The following PHKA1 variants were observed in gnomAD, a reference collection of about 807,000 sequenced individuals.
The protein encoded by PHKA1 is phosphorylase b kinase regulatory subunit alpha, skeletal muscle isoform.
In PHKA1, 60 loss-of-function variants were observed where a neutral mutation model predicts 110.2. The ratio of observed to expected loss-of-function variants is 0.54; its 90% CI spans 0.44 to 0.68. The LOEUF is 0.68. Among genes scored for constraint, PHKA1 ranks in the 30% least tolerant of loss-of-function variants. The pLI, the probability that PHKA1 is intolerant of heterozygous loss-of-function variation, is 0.00. For synonymous variants in PHKA1, 316 were observed against 333.6 expected (o/e 0.95, Z 0.58); for missense variants, 801 against 942.5 (o/e 0.85, Z 1.97).
chrX:72,707,680 C>T (rs781842207), intron 2 of PHKA1, among the ~76,000 whole-genome samples: 3 of 107,434 alleles, frequency 2.8e-5, no homozygotes, highest in Non-Finnish European at 3.8e-5. Flanking sequence ...GGGGTGGGTA[C>T]GCAAATATGA....
intron 2 of PHKA1, among the ~76,000 whole-genome samples, chrX:72,706,167 C>T (rs1440499769): frequency 2.7e-5 from 3 of 111,737 alleles, no homozygotes; most frequent in African/African-American, 9.7e-5. Context: ...CTATTAAGTT[C>T]CAACTCTTTA....
intron 11 of PHKA1, among the ~76,000 whole-genome samples, chrX:72,653,027 C>T (rs1556299671): frequency 9.0e-6 from 1 of 111,698 alleles, no homozygotes; most frequent in African/African-American, 3.3e-5. Context: ...AACAATGTTA[C>T]ACCCGACTGG....
At chrX:72,658,134 A>G (rs1556302250) in intron 8 of PHKA1, among the ~76,000 whole-genome samples, 3 of 112,207 alleles carry the variant, frequency 2.7e-5, no homozygotes, top group African/African-American at 9.7e-5. Context: ...GTCACATCTT[A>G]TATAACCATA....
At chrX:72,606,066 C>A (rs1433519673) in intron 23 of PHKA1, among the ~76,000 whole-genome samples, 1 of 111,764 alleles carries the variant, frequency 8.9e-6, no homozygotes, top group Non-Finnish European at 1.9e-5. Context: ...ATGATCAAGT[C>A]AGGGTATTTA....
intron 17 of PHKA1, among the ~76,000 whole-genome samples, chrX:72,625,517 G>A (rs1433310703): frequency 9.0e-6 from 1 of 111,541 alleles, no homozygotes; most frequent in African/African-American, 3.3e-5. Flanking sequence ...CACCATAGGT[G>A]GGCATCTAGG....
intron 21 of PHKA1, among the ~76,000 whole-genome samples, chrX:72,615,520 C>A (rs2052879847): frequency 9.0e-6 from 1 of 110,674 alleles, no homozygotes; most frequent in Non-Finnish European, 1.9e-5. Flanking sequence ...AGAGATTTTT[C>A]TTCTCTTTTA....
chrX:72,641,580 C>T (rs1229000949), intron 14 of PHKA1, among the ~76,000 whole-genome samples: 17 of 111,078 alleles, frequency 1.5e-4, no homozygotes, highest in Admixed American at 9.6e-5. Context: ...TTCTTACTTT[C>T]ACAAAGTTGA....
At chrX:72,614,509 G>A (rs1252013827) in intron 21 of PHKA1, among the ~76,000 whole-genome samples, 1 of 111,716 alleles carries the variant, frequency 9.0e-6, no homozygotes, top group Non-Finnish European at 1.9e-5. Flanking sequence ...AGATGACCTA[G>A]GCCTTGACAG....
In PHKA1 at chrX:72,619,235, AG is replaced by A; in HGVS notation, c.2207del (p.Pro736LeufsTer14). ...TTACCTGGTTCTCCTGTCGGGGATGAGGTGAATCAAGTAAGTTGAATGAAGG... is the reference window on the plus strand; with the variant it reads ...TTACCTGGTTCTCCTGTCGGGGATGAGTGAATCAAGTAAGTTGAATGAAGG... ...SRPSFNLLDS[P>X]HPRQENQVPS... is the part of the protein sequence containing the mutation. On this transcript the variant is annotated frameshift_variant, in exon 20 of 32. Transcript: ENST00000373542. LOFTEE classifies it high-confidence loss of function. The A allele has an allele frequency of 3.4e-6, 4 of 1,183,743 alleles. No individual in the cohort carries two copies. Among genetic ancestry groups the A allele is most frequent in the Non-Finnish European group, 4.6e-6 (4 of 870,074 alleles).
chrX:72,658,390 C>T (rs1300414727), intron 8 of PHKA1, among the ~76,000 whole-genome samples: 1 of 104,175 alleles, frequency 9.6e-6, no homozygotes, highest in African/African-American at 3.6e-5. Context: ...ACCTGGGAGA[C>T]ACAGGTTGCA....
At chrX:72,619,832 T>G (rs1380920325) in intron 19 of PHKA1, among the ~76,000 whole-genome samples, 3 of 111,939 alleles carry the variant, frequency 2.7e-5, no homozygotes, top group African/African-American at 9.7e-5. Context: ...AAGGAAAGAT[T>G]TGTAATTTTC....
intron 4 of PHKA1, among the ~76,000 whole-genome samples, chrX:72,694,603 C>T (rs540834369): frequency 8.9e-6 from 1 of 112,051 alleles, no homozygotes; most frequent in Middle Eastern, 4.6e-3. Context: ...CTACTTATTC[C>T]TCAAAGGCCT....
At chrX:72,581,868 A>G (rs1225033620) in intron 31 of PHKA1, among the ~76,000 whole-genome samples, 1 of 112,377 alleles carries the variant, frequency 8.9e-6, no homozygotes, top group African/African-American at 3.2e-5. Flanking sequence ...CATTTGGGAC[A>G]CTTTCAATAG....
intron 6 of PHKA1, among the ~76,000 whole-genome samples, chrX:72,671,156 G>A (rs1339448255): frequency 1.8e-5 from 2 of 110,830 alleles, no homozygotes; most frequent in African/African-American, 6.6e-5. Context: ...GTCCCTGTTT[G>A]CAGATGACAT....
At position 72,611,170 on chromosome X, in the gene PHKA1, T is replaced by C; in HGVS notation, c.2384A>G (p.Asn795Ser). ...ACTCCGTTCATTATACAATTCAGTG[T>C]TCCAGTCAGGTCCTCTAGAATTTTA... ...MLYTMKGPDW[N>S]TELYNERSAT... The change falls in exon 22 of 32, where the codon AAC (asparagine) becomes AGC (serine). Residue 795 changes from asparagine to serine, a missense_variant. By Grantham distance (46) the Asn-to-Ser change is conservative. Transcript: ENST00000373542. 1 of 1,204,439 alleles carries C rather than the reference T, an allele frequency of 8.3e-7. No homozygotes were observed. The highest frequency in any genetic ancestry group is 1.8e-5 in the South Asian group (1 of 56,764).
intron 13 of PHKA1, among the ~76,000 whole-genome samples, chrX:72,649,459 T>C (rs1755350737): frequency 8.9e-6 from 1 of 111,968 alleles, no homozygotes; most frequent in South Asian, 3.8e-4. Context: ...GTGTTTGAAA[T>C]GTAAATGGCA....
intron 16 of PHKA1, among the ~76,000 whole-genome samples, chrX:72,628,571 TTCCC>T (rs1569435007): frequency 1.3e-4 from 13 of 101,517 alleles, no homozygotes; most frequent in African/African-American, 4.4e-4. Flanking sequence ...TATATATATA[TTCCC>T]ATATAAATAT....
At chrX:72,678,633 A>C (rs1315529313) in intron 5 of PHKA1, among the ~76,000 whole-genome samples, 1 of 112,316 alleles carries the variant, frequency 8.9e-6, no homozygotes, top group Non-Finnish European at 1.9e-5. Context: ...TCAGTCAACA[A>C]ATAATGTCTG....
intron 17 of PHKA1, among the ~76,000 whole-genome samples, chrX:72,626,131 G>GTA (rs1556282781): frequency 2.8e-5 from 3 of 108,619 alleles, no homozygotes; most frequent in Non-Finnish European, 5.7e-5. Context: ...GTGTGTGTGT[G>GTA]TATATGCATA....
Sources: gnomAD v4.1 joint callset for allele counts (sites outside exome capture counted in the v4.1 genomes callset) on GRCh38, gnomAD v4.1.1 for gene constraint, MANE v1.5 for transcripts, NCBI Gene and HGNC (gene_info 2026-07-23, HGNC 2026-07-21) for gene names.